The following GPD2 variants were observed in gnomAD, a reference collection of about 807,000 sequenced individuals.
The protein encoded by GPD2 is glycerol-3-phosphate dehydrogenase, mitochondrial.
GPD2 carries 54 observed loss-of-function variants against 82.4 expected under a neutral mutation model. The ratio of observed to expected loss-of-function variants is 0.66; its 90% confidence interval spans 0.53 to 0.82. The LOEUF is 0.82. Ranked by LOEUF, GPD2 falls within the 40% of genes least tolerant of loss-of-function variation. The probability of loss-of-function intolerance (pLI) is 0.00; values close to 1 mark genes in which losing one functional copy is unlikely to be tolerated. For synonymous variants in GPD2, 288 were observed against 306.1 expected (o/e 0.94, Z 0.62); for missense variants, 748 against 896.2 (o/e 0.83, Z 2.11).
chr2:156,441,321 A>C (rs1394623415), intron 1 of GPD2, among the ~76,000 whole-genome samples: 1 of 152,112 alleles, frequency 6.6e-6, no homozygotes, highest in Non-Finnish European at 1.5e-5. Flanking sequence ...GGAGGCCAAG[A>C]CAGGAGGATA....
chr2:156,513,259 C>T (rs1053000035), intron 5 of GPD2, 74 bp from the exon 6 acceptor site: 57 of 1,053,884 alleles, frequency 5.4e-5, no homozygotes, highest in Non-Finnish European at 7.6e-5. Flanking sequence ...ATGAAAGTGT[C>T]TTGTAGTGTA....
chr2:156,538,883 T>C (rs1686190959), intron 6 of GPD2, among the ~76,000 whole-genome samples: 1 of 148,218 alleles, frequency 6.7e-6, no homozygotes, highest in Non-Finnish European at 1.5e-5. Context: ...GCAGAAGCAA[T>C]GAAATGGTCT....
At chr2:156,498,798 A>G (rs1442780386) in intron 3 of GPD2, among the ~76,000 whole-genome samples, 1 of 152,206 alleles carries the variant, frequency 6.6e-6, no homozygotes, top group Non-Finnish European at 1.5e-5. Flanking sequence ...GAAGGGAGAC[A>G]GTATGTTTCA....
At chr2:156,469,175 T>G (rs1248836729) in intron 1 of GPD2, among the ~76,000 whole-genome samples, 1 of 152,246 alleles carries the variant, frequency 6.6e-6, no homozygotes, top group Non-Finnish European at 1.5e-5. Flanking sequence ...TTTTCTTTTT[T>G]GAGACGGAGT....
At chr2:156,456,277 T>G (rs1321019880) in intron 1 of GPD2, among the ~76,000 whole-genome samples, 1 of 152,164 alleles carries the variant, frequency 6.6e-6, no homozygotes, top group Non-Finnish European at 1.5e-5. Context: ...AGAATGTTGG[T>G]GAAAAGTCTA....
At chr2:156,494,536 G>C (rs921745959) in intron 2 of GPD2, among the ~76,000 whole-genome samples, 1 of 152,194 alleles carries the variant, frequency 6.6e-6, no homozygotes, top group East Asian at 1.9e-4. Context: ...CAATTGGCCT[G>C]ATAATAATTA....
rs190554949 is a variant in GPD2 at position 156,575,612 on chromosome 2, T to A, written c.1768-3277T>A. On this transcript the variant is annotated intron_variant, in intron 13 of 16. Transcript: ENST00000438166. ...GTGGAGACAGGGTTTTGCCATGCTG[T>A]CCGGGCTGGTCTCAAACTCCCGGGC... Among the ~76,000 whole-genome samples, 281 of 151,788 alleles carry A rather than the reference T, an allele frequency of 1.9e-3. 1 individual carries two copies. The highest frequency in any genetic ancestry group is 6.4e-3 in the African/African-American group (265 of 41,422).
intron 9 of GPD2, among the ~76,000 whole-genome samples, chr2:156,565,962 T>A (rs901503141): frequency 5.9e-5 from 9 of 152,042 alleles, no homozygotes; most frequent in African/African-American, 2.2e-4. Flanking sequence ...TATATAAATA[T>A]ACAGGATGTT....
chr2:156,500,071 T>TA (rs1466720959), intron 3 of GPD2, among the ~76,000 whole-genome samples: 2 of 152,152 alleles, frequency 1.3e-5, no homozygotes, highest in African/African-American at 2.4e-5. Context: ...TTTGAATAGT[T>TA]AAGAGTTTCC....
At chr2:156,478,037 A>G (rs766386963) in intron 2 of GPD2, among the ~76,000 whole-genome samples, 1 of 152,196 alleles carries the variant, frequency 6.6e-6, no homozygotes, top group Non-Finnish European at 1.5e-5. Flanking sequence ...CACAGTAAGC[A>G]TGTTCTACTT....
intron 6 of GPD2, among the ~76,000 whole-genome samples, chr2:156,540,986 C>A (rs1446601416): frequency 6.6e-6 from 1 of 152,222 alleles, no homozygotes; most frequent in Non-Finnish European, 1.5e-5. Context: ...ATAACCACAT[C>A]TTGTCGTTAT....
intron 1 of GPD2, among the ~76,000 whole-genome samples, chr2:156,455,176 G>A (rs760373838): frequency 8.5e-5 from 13 of 152,050 alleles, no homozygotes; most frequent in Non-Finnish European, 1.6e-4. Context: ...CAGGAGTTGC[G>A]TCCAGTCTCC....
rs1688196761 is a variant in GPD2 at position 156,585,793 on chromosome 2, A to G, written c.*2875A>G. The G allele has an allele frequency of 6.6e-6, 1 of 152,536 alleles. No homozygotes were observed. The highest frequency in any genetic ancestry group is 2.1e-4 in the South Asian group (1 of 4,834). 9.4% of individuals were successfully genotyped at this position (152,536 alleles called of 1,614,324 possible). A position where few individuals can be genotyped will look rare whatever the true frequency, so the allele number is the denominator to read the frequency against. Reference sequence around the variant, plus strand: ...ATGTAATATTAAAGTCAATGATGCTATAACTTGCGATGTTTGCATCATGTC... The same window carrying G: ...ATGTAATATTAAAGTCAATGATGCTGTAACTTGCGATGTTTGCATCATGTC... On this transcript the variant is annotated 3_prime_UTR_variant, in exon 17 of 17. Coordinates refer to ENST00000438166, the MANE Select transcript of GPD2 (RefSeq NM_000408.5).
At chr2:156,560,771 C>T (rs1179777764) in intron 9 of GPD2, among the ~76,000 whole-genome samples, 1 of 152,154 alleles carries the variant, frequency 6.6e-6, no homozygotes, top group Non-Finnish European at 1.5e-5. Context: ...AGCCACTATT[C>T]TCTTCTAGGC....
chr2:156,563,695 C>T (rs1429659625), intron 9 of GPD2, among the ~76,000 whole-genome samples: 1 of 152,066 alleles, frequency 6.6e-6, no homozygotes, highest in Admixed American at 6.6e-5. Context: ...AAAGGAAGTG[C>T]AGTCCAATTT....
intron 8 of GPD2, among the ~76,000 whole-genome samples, chr2:156,555,794 A>G (rs549375766): frequency 1.3e-5 from 2 of 152,320 alleles, no homozygotes; most frequent in East Asian, 1.9e-4. Context: ...ATTTTCTCTA[A>G]GTAACCCTGA....
intron 6 of GPD2, among the ~76,000 whole-genome samples, chr2:156,545,445 C>G (rs1686492293): frequency 6.6e-6 from 1 of 152,140 alleles, no homozygotes; most frequent in East Asian, 1.9e-4. Flanking sequence ...AGTGATTGCT[C>G]AAGACTCAGG....
intron 1 of GPD2, among the ~76,000 whole-genome samples, chr2:156,462,641 T>C (rs534784972): frequency 7.2e-5 from 11 of 152,176 alleles, no homozygotes; most frequent in African/African-American, 2.2e-4. Context: ...GGGTAGTTTG[T>C]TTCATTCACA....
chr2:156,442,214 A>G (rs1682200230), intron 1 of GPD2, among the ~76,000 whole-genome samples: 1 of 152,220 alleles, frequency 6.6e-6, no homozygotes, highest in East Asian at 1.9e-4. Flanking sequence ...GATTTCTAGA[A>G]GCTGCTACTG....
Sources: gnomAD v4.1 joint callset for allele counts (sites outside exome capture counted in the v4.1 genomes callset) on GRCh38, gnomAD v4.1.1 for gene constraint, MANE v1.5 for transcripts, NCBI Gene and HGNC (gene_info 2026-07-23, HGNC 2026-07-21) for gene names.